RUNX1: variants seen among roughly 807,000 people sequenced by gnomAD.
RUNX1 encodes RUNX family transcription factor 1.
A neutral mutation model predicts 42.8 loss-of-function variants in RUNX1; 19 were observed. That is an observed-to-expected ratio of 0.44 (90% CI 0.31 to 0.65). The LOEUF is 0.65. Ranked by LOEUF, RUNX1 falls within the 30% of genes least tolerant of loss-of-function variation. The pLI is 0.07. For missense variants in RUNX1, 528 were observed against 672.0 expected, an observed-to-expected ratio of 0.79 and a Z score of 2.37; for synonymous variants, 271 against 289.4, an observed-to-expected ratio of 0.94 and a Z score of 0.64.
At chr21:34,987,678 GA>G (rs751291743) in intron 2 of RUNX1, among the ~76,000 whole-genome samples, 3 of 152,002 alleles carry the variant, frequency 2.0e-5, no homozygotes, top group African/African-American at 7.2e-5. Flanking sequence ...CAAAGAGGGG[GA>G]AAAAAAGAGC....
At chr21:35,039,552 A>G (rs2059342564) in intron 2 of RUNX1, among the ~76,000 whole-genome samples, 1 of 152,230 alleles carries the variant, frequency 6.6e-6, no homozygotes, top group Non-Finnish European at 1.5e-5. Context: ...AAAACTTACA[A>G]AGCATCATAT....
In RUNX1 at chr21:34,967,319, CAAAAAAAAAAAAAA is replaced by C. The variant is rs398036394; in HGVS notation, c.59-74370_59-74357del. Among the ~76,000 whole-genome samples the C allele has an allele frequency of 4.0e-3, 63 of 15,638 alleles. 2 individuals are homozygous for C. The highest frequency in any genetic ancestry group is 0.027 in the East Asian group (11 of 408). 10.3% of individuals were successfully genotyped at this position (15,638 alleles called of 152,430 possible). A position where few individuals can be genotyped will look rare whatever the true frequency, so the allele number is the denominator to read the frequency against. On this transcript the variant is annotated intron_variant, in intron 2 of 8. Transcript: ENST00000675419. ...CAGGCGACAGTGTGAGACTCGGTCT[CAAAAAAAAAAAAAA>C]AAAAAAAAAAAAAAAAAAAGAAGAA...
At chr21:34,942,205 T>G (rs1411311569) in intron 2 of RUNX1, among the ~76,000 whole-genome samples, 1 of 152,110 alleles carries the variant, frequency 6.6e-6, no homozygotes, top group African/African-American at 2.4e-5. Context: ...TGGGGCTAGA[T>G]CCCAGTGTTG....
At chr21:34,914,681 G>T (rs2058298257) in intron 2 of RUNX1, among the ~76,000 whole-genome samples, 2 of 152,186 alleles carry the variant, frequency 1.3e-5, no homozygotes, top group Admixed American at 1.3e-4. Context: ...ATTCTGGTCA[G>T]TGTCTTCATG....
chr21:34,895,058 CCCCGTCTCA>C (rs2058119127), intron 2 of RUNX1, among the ~76,000 whole-genome samples: 1 of 152,104 alleles, frequency 6.6e-6, no homozygotes, highest in Non-Finnish European at 1.5e-5. Context: ...CTTTTATCCC[CCCCGTCTCA>C]GGGTCTAGAT....
intron 2 of RUNX1, among the ~76,000 whole-genome samples, chr21:35,002,401 TATTTATTTA>T (rs1384181003): frequency 1.3e-5 from 2 of 148,656 alleles, no homozygotes; most frequent in Non-Finnish European, 3.0e-5. Flanking sequence ...TTTATTTATT[TATTTATTTA>T]TTTATTTATT....
At chr21:35,029,047 C>T (rs1569157011) in intron 2 of RUNX1, among the ~76,000 whole-genome samples, 1 of 152,052 alleles carries the variant, frequency 6.6e-6, no homozygotes, top group Non-Finnish European at 1.5e-5. Flanking sequence ...ACCTATGAGC[C>T]AAACGATGGA....
At chr21:34,927,142 A>G (rs1435663865) in intron 2 of RUNX1, among the ~76,000 whole-genome samples, 1 of 152,218 alleles carries the variant, frequency 6.6e-6, no homozygotes, top group Non-Finnish European at 1.5e-5. Flanking sequence ...ACTTTATAAG[A>G]GCAGGGGGAA....
rs576503088 is a variant in RUNX1, at chr21:35,044,553, T to C, written c.58+4289A>G. Among the ~76,000 whole-genome samples the C allele has an allele frequency of 2.0e-5, 3 of 152,310 alleles. No individual in the cohort carries two copies. The East Asian group carries it at 5.8e-4, about 29-fold the overall frequency. ...GGCTCAAGAGAGAAGTTCTATATGC[T>C]ATTTGATGAAAGCCAGAAAAAAGAA... On this transcript the variant is annotated intron_variant, in intron 2 of 8. Coordinates refer to ENST00000675419, the MANE Select transcript of RUNX1 (RefSeq NM_001754.5).
intron 7 of RUNX1, among the ~76,000 whole-genome samples, chr21:34,818,310 ATTGT>A (rs1007658833): frequency 5.9e-5 from 9 of 152,190 alleles, no homozygotes; most frequent in African/African-American, 1.4e-4. Context: ...AACTGTTAGT[ATTGT>A]TTGTTTGTTT....
intron 7 of RUNX1, among the ~76,000 whole-genome samples, chr21:34,814,957 T>C (rs2056805401): frequency 6.6e-6 from 1 of 152,204 alleles, no homozygotes; most frequent in African/African-American, 2.4e-5. Flanking sequence ...TTTTTTTGTA[T>C]TGTGTACTAC....
chr21:35,028,452 C>T lies in RUNX1; in HGVS notation c.58+20390G>A, dbSNP rs528660119. On this transcript the variant is annotated intron_variant, in intron 2 of 8. Transcript: ENST00000675419. ...TGCCCTCTGAGCACTCCTGGAGCCA[C>T]CTGGCTGCCTCATTCATTTCTTCTC... 3.3e-5 allele frequency among the ~76,000 whole-genome samples: 5 copies of T among 152,316 alleles called. No homozygotes were observed. The East Asian group carries it at 9.6e-4, about 29-fold the overall frequency.
chr21:34,886,054 G>A (rs1227017733), intron 4 of RUNX1, among the ~76,000 whole-genome samples: 2 of 152,200 alleles, frequency 1.3e-5, no homozygotes, highest in African/African-American at 2.4e-5. Flanking sequence ...TGGAGCCGCC[G>A]CGCTGAAGTC....
intron 5 of RUNX1, among the ~76,000 whole-genome samples, chr21:34,874,561 G>C (rs780454123): frequency 1.8e-4 from 21 of 118,372 alleles, no homozygotes; most frequent in Non-Finnish European, 3.0e-4. Flanking sequence ...AGTGAGCTGA[G>C]ATCACACCAC....
In RUNX1 at chr21:34,792,638, G is replaced by A. The variant is rs1434162187; in HGVS notation, c.968-28C>T. The A allele has an allele frequency of 1.3e-6, 2 of 1,549,498 alleles. No homozygotes were observed. The highest frequency in any genetic ancestry group is 8.7e-7 in the Non-Finnish European group (1 of 1,146,326). On this transcript the variant is annotated intron_variant, in intron 8 of 8. Transcript: ENST00000675419. This position sits in a 1 kb window ranked among gnomAD's most constrained non-coding sequence, Gnocchi z 6.9. ...GCAGGGCGGGCAAGAGAACGGAGCG[G>A]AAGTGAGTAGGAGGTTGCGGAGGCC...
At chr21:34,835,728 CCT>C (rs1360816033) in intron 6 of RUNX1, among the ~76,000 whole-genome samples, 1 of 152,186 alleles carries the variant, frequency 6.6e-6, no homozygotes, top group Admixed American at 6.5e-5. Flanking sequence ...GATTGCACAA[CCT>C]CTGTTCCCTA....
intron 3 of RUNX1, among the ~76,000 whole-genome samples, chr21:34,889,504 G>A (rs1002582835): frequency 6.6e-6 from 1 of 152,120 alleles, no homozygotes; most frequent in Non-Finnish European, 1.5e-5. Context: ...ACGCGCGGCT[G>A]GAAGGAAAGT....
At chr21:34,943,928 A>C (rs368073023) in intron 2 of RUNX1, among the ~76,000 whole-genome samples, 1 of 152,168 alleles carries the variant, frequency 6.6e-6, no homozygotes, top group Non-Finnish European at 1.5e-5. Context: ...CTTTTCCCCA[A>C]ATCTTTTCCT....
intron 2 of RUNX1, among the ~76,000 whole-genome samples, chr21:34,962,193 G>GT (rs2146709589): frequency 6.6e-6 from 1 of 152,300 alleles, no homozygotes; most frequent in South Asian, 2.1e-4. Flanking sequence ...GTGCCCAGCT[G>GT]TAAGTTGTAT....
Sources: allele counts gnomAD v4.1 joint callset (sites outside exome capture counted in the v4.1 genomes callset), GRCh38; gene constraint gnomAD v4.1.1; non-coding constraint Gnocchi (gnomAD v3.1); transcripts MANE v1.5; gene names NCBI Gene and HGNC (gene_info 2026-07-23, HGNC 2026-07-21).